ING1: variants seen among roughly 807,000 people sequenced by gnomAD.
ING1 encodes the protein inhibitor of growth family member 1, also known as inhibitor of growth protein 1.
A neutral mutation model predicts 23.1 loss-of-function variants in ING1; 4 were observed. The observed-to-expected ratio is 0.17, with a 90% CI of 0.09 to 0.40. The LOEUF is 0.40. Ranked by LOEUF, ING1 falls within the 10% of genes least tolerant of loss-of-function variation. ING1 has a pLI of 1.00. For synonymous variants in ING1, 179 were observed against 166.4 expected (o/e 1.08, Z -0.58); for missense variants, 256 against 393.8 (o/e 0.65, Z 2.96).
chr13:110,717,010 A>C (rs1467703426), intron 1 of ING1, among the ~76,000 whole-genome samples: 1 of 152,228 alleles, frequency 6.6e-6, no homozygotes, highest in African/African-American at 2.4e-5. Flanking sequence ...CCCACAAATT[A>C]GGCTTCACCT....
chr13:110,714,597 G>A lies in ING1; in HGVS notation c.136+312G>A, dbSNP rs2064086006. On this transcript the variant is annotated intron_variant, in intron 1 of 1. Transcript: ENST00000333219. ...GGAGGGGGCGGCGGGTCCAAGCCGCGTCCTCTAGGAGGGGGTGCAGATTAC... is the reference window on the plus strand; with the variant it reads ...GGAGGGGGCGGCGGGTCCAAGCCGCATCCTCTAGGAGGGGGTGCAGATTAC... 3.3e-5 allele frequency among the ~76,000 whole-genome samples: 5 copies of A among 152,254 alleles called. No individual in the cohort carries two copies. The South Asian group carries it at 1.0e-3, about 32-fold the overall frequency.
rs2064170365 is a variant in ING1 at position 110,721,311 on chromosome 13, G to C, written c.*1379G>C. On this transcript the variant is annotated 3_prime_UTR_variant, in exon 2 of 2. Transcript: ENST00000333219. ...TTTTTTGAGATTGAGTTCCAGGCTG[G>C]AGTGCAATAGCGCAATCTTGGCTCA... The C allele has an allele frequency of 6.6e-6, 1 of 152,216 alleles. No homozygotes were observed. Among genetic ancestry groups the C allele is most frequent in the South Asian group, 2.1e-4 (1 of 4,834 alleles). The allele number at this position is 152,216 out of a possible 1,614,324, so 9.4% of individuals were successfully genotyped here.
At chr13:110,718,711 ATAAT>A (rs1453561883) in intron 1 of ING1, among the ~76,000 whole-genome samples, 2 of 151,844 alleles carry the variant, frequency 1.3e-5, no homozygotes, top group Non-Finnish European at 2.9e-5. Context: ...AAATATTCAA[ATAAT>A]TTATAATATA....
At chr13:110,714,868 T>G in intron 1 of ING1, 1 of 577,512 alleles carries the variant, frequency 1.7e-6, no homozygotes, top group Non-Finnish European at 2.2e-6. Context: ...CGGCCCTCAC[T>G]TGGAGCTGGA....
In ING1 at chr13:110,713,707, C is replaced by T; in HGVS notation, c.-443C>T. 3 of 985,270 alleles carry T rather than the reference C, an allele frequency of 3.0e-6. No individual in the cohort carries two copies. The highest frequency in any genetic ancestry group is 2.4e-6 in the Non-Finnish European group (2 of 829,918). 61.0% of individuals were successfully genotyped at this position (985,270 alleles called of 1,614,324 possible). ...TGTTTGAAACTGGTATTTGGGTTTT[C>T]CACGTTGGACAAGTGCGGCTCGGCG... On this transcript the variant is annotated 5_prime_UTR_variant, in exon 1 of 2. Coordinates refer to ENST00000333219, the MANE Select transcript of ING1 (RefSeq NM_198219.3).
intron 1 of ING1, chr13:110,715,916 A>C: frequency 6.4e-7 from 1 of 1,574,410 alleles, no homozygotes; most frequent in Non-Finnish European, 8.6e-7. Flanking sequence ...TGCAGTTCGG[A>C]CCGCCTCCCG....
rs1340378546 is a variant in ING1, at chr13:110,715,941, G to C, written c.136+1656G>C. The C allele has an allele frequency of 1.9e-6, 3 of 1,553,480 alleles. No homozygotes were observed. In the South Asian group the frequency reaches 3.5e-5, roughly 18 times the overall value. On this transcript the variant is annotated intron_variant, in intron 1 of 1. Transcript: ENST00000333219. Reference sequence around the variant, plus strand: ...ACCGCCTCCCGCGACCCGCGGGGCCGGCTCGGAGACAGTTTCAGGCCGCAT... The same window carrying C: ...ACCGCCTCCCGCGACCCGCGGGGCCCGCTCGGAGACAGTTTCAGGCCGCAT...
intron 1 of ING1, among the ~76,000 whole-genome samples, chr13:110,716,285 C>T (rs1183946455): frequency 6.6e-6 from 1 of 152,154 alleles, no homozygotes; most frequent in African/African-American, 2.4e-5. Flanking sequence ...TTCATGTTCA[C>T]CTAGGGTGAT....
upstream of ING1, chr13:110,712,802 C>T (rs1594448174): frequency 2.6e-6 from 2 of 769,786 alleles, no homozygotes; most frequent in East Asian, 2.7e-5. Context: ...GCCCCTCGGG[C>T]CTATCCACCT....
At position 110,720,709 on chromosome 13, in the gene ING1, G is replaced by A. The variant is rs557026408; in HGVS notation, c.*777G>A. 6.0e-6 allele frequency: 1 copy of A among 167,192 alleles called. No homozygotes were observed. Among genetic ancestry groups the A allele is most frequent in the East Asian group, 1.9e-4 (1 of 5,194 alleles). The allele number at this position is 167,192 out of a possible 1,614,324, so 10.4% of individuals were successfully genotyped here. On this transcript the variant is annotated 3_prime_UTR_variant, in exon 2 of 2. Coordinates refer to ENST00000333219, the MANE Select transcript of ING1 (RefSeq NM_198219.3). ...ATGTCACAATTATGTGCAAAGGTGTGCTTCCTGCTGTATGTGAGCTGTAAA... is the reference window on the plus strand; with the variant it reads ...ATGTCACAATTATGTGCAAAGGTGTACTTCCTGCTGTATGTGAGCTGTAAA...
intron 1 of ING1, among the ~76,000 whole-genome samples, chr13:110,718,309 A>AGGAGGCTGAGGTG (rs1453499365): frequency 6.6e-6 from 1 of 152,178 alleles, no homozygotes; most frequent in East Asian, 1.9e-4. Flanking sequence ...CCAGCTACTC[A>AGGAGGCTGAGGTG]GGAGGCTGAG....
upstream of ING1, chr13:110,712,673 T>G (rs1166321856): frequency 3.1e-6 from 2 of 650,314 alleles, no homozygotes; most frequent in South Asian, 3.1e-5. Flanking sequence ...CTGAATGGCC[T>G]CAGGACGCCG....
At chr13:110,718,988 G>A (rs2064147012) in intron 1 of ING1, among the ~76,000 whole-genome samples, 1 of 151,600 alleles carries the variant, frequency 6.6e-6, no homozygotes, top group African/African-American at 2.4e-5. Context: ...TGGCTGGAGC[G>A]GCTCCTGCCG....
chr13:110,717,592 C>G (rs958782839), intron 1 of ING1, among the ~76,000 whole-genome samples: 1 of 152,054 alleles, frequency 6.6e-6, no homozygotes, highest in Admixed American at 6.5e-5. Flanking sequence ...CATGGGAGAC[C>G]GAGGCGGGCG....
chr13:110,717,149 C>A (rs2064130846), intron 1 of ING1, among the ~76,000 whole-genome samples: 1 of 152,058 alleles, frequency 6.6e-6, no homozygotes, highest in African/African-American at 2.4e-5. Context: ...GAAGTGATAC[C>A]ATTTTGTAAC....
upstream of ING1, chr13:110,713,470 AC>A: frequency 4.0e-6 from 4 of 988,308 alleles, no homozygotes; most frequent in Non-Finnish European, 4.8e-6. Context: ...CGCCGTCCAC[AC>A]CCCAGCGGCC....
chr13:110,719,049 G>GTTGTA lies in ING1; in HGVS notation c.137-176_137-175insATTGT, dbSNP rs1555307755. 2.6e-5 allele frequency among the ~76,000 whole-genome samples: 4 copies of GTTGTA among 152,022 alleles called. No individual in the cohort carries two copies. The highest frequency in any genetic ancestry group is 2.1e-4 in the South Asian group (1 of 4,816). ...GTTGTGTTGTGTTGTGTTGTGTTGT[G>GTTGTA]TTGTGGTTAGCACAGGAACAGATAG... On this transcript the variant is annotated intron_variant, in intron 1 of 1. Transcript: ENST00000333219. The surrounding 1 kb of genome is among the most constrained non-coding windows in gnomAD (Gnocchi z 8.9).
chr13:110,715,555 C>G (rs1017905727), intron 1 of ING1: 6 of 1,614,094 alleles, frequency 3.7e-6, no homozygotes, highest in Non-Finnish European at 5.1e-6. Context: ...CCGCTGTCTT[C>G]TTTTTTCTTT....
intron 1 of ING1, 146 bp downstream of exon 1, chr13:110,714,431 G>C: frequency 1.4e-6 from 1 of 722,220 alleles, no homozygotes; most frequent in Non-Finnish European, 1.9e-6. Context: ...GGAACAAAAG[G>C]TCTGGAGCGC....
Sources: gnomAD v4.1 joint callset for allele counts (sites outside exome capture counted in the v4.1 genomes callset) on GRCh38, gnomAD v4.1.1 for gene constraint, Gnocchi (gnomAD v3.1) non-coding constraint, MANE v1.5 for transcripts, NCBI Gene and HGNC (gene_info 2026-07-23, HGNC 2026-07-21) for gene names.